DAPK1: variants seen among roughly 807,000 people sequenced by gnomAD.
DAPK1 encodes the protein death-associated protein kinase 1.
In DAPK1, 56 loss-of-function variants were observed where a neutral mutation model predicts 144.9. The observed-to-expected ratio is 0.39, with a 90% CI of 0.31 to 0.48. DAPK1 has a LOEUF of 0.48. DAPK1 is among the 20% of genes least tolerant of loss of function. The pLI is 0.95. For missense variants in DAPK1, 1,454 were observed against 1,875.4 expected (o/e 0.78, Z 4.15); for synonymous variants, 690 against 749.0 (o/e 0.92, Z 1.29).
chr9:87,504,114 G>A lies in DAPK1; in HGVS notation c.62+4975G>A, dbSNP rs368469134. Among the ~76,000 whole-genome samples the A allele has an allele frequency of 7.1e-4, 108 of 152,228 alleles. 2 individuals carry two copies. In the Middle Eastern group the frequency reaches 0.024, roughly 34 times the overall value. ...TGTTTTTTCTTCAGAAATGGGAACC[G>A]CAGGCCACCGGTGGGTTTCTGCATC... On this transcript the variant is annotated intron_variant, in intron 2 of 25. Transcript: ENST00000408954.
intron 20 of DAPK1, among the ~76,000 whole-genome samples, chr9:87,684,891 G>A (rs542169230): frequency 6.6e-6 from 1 of 152,200 alleles, no homozygotes; most frequent in East Asian, 1.9e-4. Context: ...TCCTCCCAAC[G>A]AAAACTGTCA....
chr9:87,692,952 C>CATTTTTT (rs1825118510), intron 21 of DAPK1, among the ~76,000 whole-genome samples: 1 of 26,380 alleles, frequency 3.8e-5, no homozygotes, highest in African/African-American at 1.0e-4. Context: ...AGTGACTAGA[C>CATTTTTT]TTTTTTTTTT....
At chr9:87,650,446 C>T (rs565097645) in intron 16 of DAPK1, 5 of 260,612 alleles carry the variant, frequency 1.9e-5, no homozygotes, top group South Asian at 4.9e-5. Flanking sequence ...ATTGGCAACA[C>T]GCTATTAATT....
intron 2 of DAPK1, among the ~76,000 whole-genome samples, chr9:87,503,156 T>C (rs747655616): frequency 3.9e-5 from 6 of 152,200 alleles, no homozygotes; most frequent in Non-Finnish European, 8.8e-5. Flanking sequence ...GCAGTCTGTC[T>C]TTCTAGTCTA....
chr9:87,673,640 C>T lies in DAPK1; in HGVS notation c.2001+4966C>T, dbSNP rs115399267. On this transcript the variant is annotated intron_variant, in intron 19 of 25. Transcript: ENST00000408954. ...CTGAGCTGCATGGGATCGACTCTGA[C>T]GCACCTCCACATTAAGTGAACTCGG... Among the ~76,000 whole-genome samples the T allele has an allele frequency of 1.5e-3, 228 of 152,160 alleles. 1 individual carries two copies. Among genetic ancestry groups the T allele is most frequent in the African/African-American group, 4.8e-3 (200 of 41,516 alleles).
At chr9:87,546,482 G>A (rs1826254716) in intron 2 of DAPK1, among the ~76,000 whole-genome samples, 1 of 152,148 alleles carries the variant, frequency 6.6e-6, no homozygotes. Context: ...TGGGTGGTCT[G>A]AGCTCTGAAT....
chr9:87,663,176 C>T (rs988635084), intron 18 of DAPK1, among the ~76,000 whole-genome samples: 1 of 152,146 alleles, frequency 6.6e-6, no homozygotes, highest in African/African-American at 2.4e-5. Flanking sequence ...CCTGCACCCT[C>T]CACTGTCTTG....
upstream of DAPK1, chr9:87,497,737 G>A (rs1237135613): frequency 2.1e-5 from 6 of 284,858 alleles, no homozygotes; most frequent in East Asian, 6.2e-5. Flanking sequence ...GCGCCGCGCA[G>A]AACCCGCAGC....
chr9:87,668,754 A>G (rs1831149815), intron 19 of DAPK1, 80 bp downstream of exon 19: 1 of 850,754 alleles, frequency 1.2e-6, no homozygotes, highest in African/African-American at 1.7e-5. Flanking sequence ...TTATTTGAGA[A>G]TGAGCAAAAT....
intron 2 of DAPK1, among the ~76,000 whole-genome samples, chr9:87,578,862 T>C (rs969210660): frequency 2.0e-5 from 3 of 152,232 alleles, no homozygotes; most frequent in Non-Finnish European, 4.4e-5. Context: ...TTTCGTCTTA[T>C]CTTGGGATTT....
intron 2 of DAPK1, among the ~76,000 whole-genome samples, chr9:87,523,444 G>A (rs1490895885): frequency 6.6e-6 from 1 of 151,968 alleles, no homozygotes; most frequent in African/African-American, 2.4e-5. Flanking sequence ...CCATAGACAC[G>A]AGCCACAACA....
chr9:87,547,330 A>T (rs1826286720), intron 2 of DAPK1, among the ~76,000 whole-genome samples: 2 of 152,138 alleles, frequency 1.3e-5, no homozygotes, highest in Admixed American at 6.5e-5. Context: ...CAGAGAAAAG[A>T]TGCATTTCCT....
chr9:87,523,644 G>A (rs1015384943), intron 2 of DAPK1, among the ~76,000 whole-genome samples: 13 of 152,126 alleles, frequency 8.5e-5, no homozygotes, highest in African/African-American at 3.1e-4. Flanking sequence ...ATTTCTTCTA[G>A]TACTTTGATG....
At position 87,623,784 on chromosome 9, in the gene DAPK1, A is replaced by C. The variant is rs148322608; in HGVS notation, c.285-14159A>C. ...ATGCCCTTGCTCATAAGTGCCTTTCATTTGAGCTCATTTAATGTAGAGACG... is the reference window on the plus strand; with the variant it reads ...ATGCCCTTGCTCATAAGTGCCTTTCCTTTGAGCTCATTTAATGTAGAGACG... On this transcript the variant is annotated intron_variant, in intron 3 of 25. Transcript: ENST00000408954. Among the ~76,000 whole-genome samples the C allele has an allele frequency of 3.6e-3, 551 of 152,174 alleles. 3 individuals carry two copies. Among genetic ancestry groups the C allele is most frequent in the African/African-American group, 0.011 (451 of 41,508 alleles).
intron 18 of DAPK1, among the ~76,000 whole-genome samples, chr9:87,659,782 G>T (rs771077397): frequency 6.6e-6 from 1 of 152,258 alleles, no homozygotes; most frequent in South Asian, 2.1e-4. Context: ...AGCCGCACCC[G>T]CAGCGCTCAT....
At chr9:87,498,190 G>C (rs1467230515) in intron 1 of DAPK1, 83 bp downstream of exon 1, 5 of 396,654 alleles carry the variant, frequency 1.3e-5, no homozygotes, top group African/African-American at 1.0e-4. Flanking sequence ...GGTGGGGTTT[G>C]TCCGGGCAGT....
intron 2 of DAPK1, among the ~76,000 whole-genome samples, chr9:87,539,623 G>A (rs1315402632): frequency 1.3e-5 from 2 of 151,804 alleles, no homozygotes; most frequent in East Asian, 1.9e-4. Context: ...TAACCGTGTT[G>A]GCCAGGCTGG....
chr9:87,684,167 G>A (rs1824745925), intron 20 of DAPK1, among the ~76,000 whole-genome samples: 1 of 152,242 alleles, frequency 6.6e-6, no homozygotes, highest in African/African-American at 2.4e-5. Context: ...GGCGGCCTGG[G>A]GAGATTGGAC....
intron 19 of DAPK1, among the ~76,000 whole-genome samples, chr9:87,679,898 C>A (rs1321456589): frequency 2.6e-5 from 4 of 152,146 alleles, no homozygotes; most frequent in Admixed American, 2.0e-4. Flanking sequence ...GATCCAGACA[C>A]CTCCACACAG....
Sources: gnomAD v4.1 joint callset for allele counts (sites outside exome capture counted in the v4.1 genomes callset) on GRCh38, gnomAD v4.1.1 for gene constraint, MANE v1.5 for transcripts, NCBI Gene and HGNC (gene_info 2026-07-23, HGNC 2026-07-21) for gene names.